IQCH: variants seen among roughly 807,000 people sequenced by gnomAD.
The protein encoded by IQCH is IQ motif containing H.
IQCH carries 98 observed loss-of-function variants against 117.0 expected under a neutral mutation model. The observed-to-expected ratio is 0.84, with a 90% confidence interval of 0.71 to 0.99. The LOEUF (loss-of-function observed/expected upper bound fraction) is 0.99, where lower values mean the gene tolerates loss of function less well. Among genes scored for constraint, IQCH ranks in the 50% least tolerant of loss-of-function variants. The pLI is 0.00. For synonymous variants in IQCH, 412 were observed against 448.2 expected (o/e 0.92, Z 1.02); for missense variants, 1,102 against 1,243.8 (o/e 0.89, Z 1.72).
intron 4 of IQCH, among the ~76,000 whole-genome samples, chr15:67,331,804 G>A (rs1968677353): frequency 6.6e-6 from 1 of 152,068 alleles, no homozygotes; most frequent in South Asian, 2.1e-4. Flanking sequence ...GGTGGAAGCT[G>A]GCTCCTCTCC....
chr15:67,367,561 G>GT (rs1488956108), intron 8 of IQCH, among the ~76,000 whole-genome samples: 2 of 151,946 alleles, frequency 1.3e-5, no homozygotes, highest in Non-Finnish European at 2.9e-5. Context: ...TTATCGTTCA[G>GT]TTTTTTTAAA....
chr15:67,256,500 T>C (rs1965212725), intron 1 of IQCH, among the ~76,000 whole-genome samples: 1 of 152,178 alleles, frequency 6.6e-6, no homozygotes, highest in Non-Finnish European at 1.5e-5. Context: ...GTTGATAGAC[T>C]GTCTGGTGGC....
rs116967667 is a variant in IQCH at position 67,430,937 on chromosome 15, C to T, written c.2505+9360C>T. 1.3e-5 allele frequency among the ~76,000 whole-genome samples: 2 copies of T among 152,266 alleles called. No individual in the cohort carries two copies. The highest frequency in any genetic ancestry group is 4.8e-5 in the African/African-American group (2 of 41,550). On this transcript the variant is annotated intron_variant, in intron 16 of 20. Transcript: ENST00000335894. The surrounding 1 kb of genome is among the most constrained non-coding windows in gnomAD (Gnocchi z 5.1). ...CATCAAAAAGGTAATATCAGTTTAACGGCCAAATGATTTTTCTACATGCAT... is the reference window on the plus strand; with the variant it reads ...CATCAAAAAGGTAATATCAGTTTAATGGCCAAATGATTTTTCTACATGCAT...
intron 16 of IQCH, among the ~76,000 whole-genome samples, chr15:67,440,698 G>A (rs2082246130): frequency 6.6e-6 from 1 of 152,064 alleles, no homozygotes; most frequent in South Asian, 2.1e-4. Context: ...AGCAAAATCG[G>A]CATACAAGGG....
intron 4 of IQCH, among the ~76,000 whole-genome samples, chr15:67,283,162 T>C (rs1966431546): frequency 6.6e-6 from 1 of 152,228 alleles, no homozygotes. Context: ...ATGCTTGTTG[T>C]TGTGACAAAC....
At chr15:67,349,967 T>C (rs1296612532) in intron 6 of IQCH, among the ~76,000 whole-genome samples, 2 of 152,214 alleles carry the variant, frequency 1.3e-5, no homozygotes, top group African/African-American at 4.8e-5. Context: ...TTGGCAGTTA[T>C]TTATAAAGTT....
rs141104234 is a variant in IQCH at position 67,392,031 on chromosome 15, G to A, written c.1632+3025G>A. The stretch of plus-strand genomic sequence containing the variant: ...ACTCACTCGATAAAATGGGGAACTT[G>A]TGGCAGCAGTGGCATGCCAACTGTG... On this transcript the variant is annotated intron_variant, in intron 12 of 20. Coordinates refer to ENST00000335894, the MANE Select transcript of IQCH (RefSeq NM_001031715.3). Among the ~76,000 whole-genome samples the A allele has an allele frequency of 4.6e-5, 7 of 152,316 alleles. No homozygotes were observed. In the East Asian group the frequency reaches 1.4e-3, roughly 29 times the overall value.
intron 18 of IQCH, among the ~76,000 whole-genome samples, chr15:67,489,280 G>A (rs995850434): frequency 3.3e-5 from 5 of 151,806 alleles, no homozygotes; most frequent in Non-Finnish European, 7.4e-5. Flanking sequence ...TGATCCGCCT[G>A]CCTCGGCCTC....
chr15:67,489,065 G>A (rs2083569569), intron 18 of IQCH, among the ~76,000 whole-genome samples: 1 of 149,332 alleles, frequency 6.7e-6, no homozygotes. Flanking sequence ...ACGGAGTCTC[G>A]CTCTGTTGCC....
At chr15:67,309,747 G>T (rs538215407) in intron 4 of IQCH, among the ~76,000 whole-genome samples, 8 of 151,818 alleles carry the variant, frequency 5.3e-5, no homozygotes, top group African/African-American at 1.9e-4. Context: ...ATGAATGGGG[G>T]AAGCAAGATG....
At chr15:67,464,084 C>G (rs868082046) in intron 16 of IQCH, among the ~76,000 whole-genome samples, 6 of 152,342 alleles carry the variant, frequency 3.9e-5, no homozygotes, top group Middle Eastern at 6.8e-3. Flanking sequence ...CCACCTCGGC[C>G]TCCCAAAGTG....
At chr15:67,415,606 T>C (rs924174298) in intron 14 of IQCH, among the ~76,000 whole-genome samples, 2 of 152,144 alleles carry the variant, frequency 1.3e-5, no homozygotes, top group African/African-American at 4.8e-5. Context: ...TTCCAAGGAG[T>C]TGGGGTGAGC....
In IQCH at chr15:67,458,459, G is replaced by A. The variant is rs1032307058; in HGVS notation, c.2506-6668G>A. On this transcript the variant is annotated intron_variant, in intron 16 of 20. Coordinates refer to ENST00000335894, the MANE Select transcript of IQCH (RefSeq NM_001031715.3). The surrounding 1 kb of genome is among the most constrained non-coding windows in gnomAD (Gnocchi z 4.1). ...ACCATCATCTCTCACCTCAATTACT[G>A]CAAGTCTTCCTAACTGGACTCCCTG... Among the ~76,000 whole-genome samples, 2 of 152,122 alleles carry A rather than the reference G, an allele frequency of 1.3e-5. No homozygotes were observed. The highest frequency in any genetic ancestry group is 2.9e-5 in the Non-Finnish European group (2 of 68,034).
intron 4 of IQCH, among the ~76,000 whole-genome samples, chr15:67,328,137 G>A (rs1016233564): frequency 7.2e-6 from 1 of 138,776 alleles, no homozygotes; most frequent in African/African-American, 2.6e-5. Flanking sequence ...GTTTTGTGGG[G>A]GTTTTTTGTT....
chr15:67,322,636 T>C (rs572605794), intron 4 of IQCH, among the ~76,000 whole-genome samples: 1 of 152,262 alleles, frequency 6.6e-6, no homozygotes, highest in Non-Finnish European at 1.5e-5. Flanking sequence ...CCCGCCTAGG[T>C]TACATACAGC....
chr15:67,292,897 A>G (rs982214104), intron 4 of IQCH, among the ~76,000 whole-genome samples: 2 of 152,128 alleles, frequency 1.3e-5, no homozygotes, highest in African/African-American at 4.8e-5. Context: ...TGGATCTGTT[A>G]TCCATTGCAT....
intron 1 of IQCH, among the ~76,000 whole-genome samples, chr15:67,255,687 A>G (rs1170090784): frequency 2.0e-5 from 3 of 152,236 alleles, no homozygotes; most frequent in Non-Finnish European, 4.4e-5. Context: ...CATTTGTCTA[A>G]GGTCACTCTG....
At chr15:67,333,892 A>G (rs1465694492) in intron 4 of IQCH, among the ~76,000 whole-genome samples, 1 of 152,052 alleles carries the variant, frequency 6.6e-6, no homozygotes, top group Non-Finnish European at 1.5e-5. Flanking sequence ...CCCTGTCTCT[A>G]CAAAAAATAC....
At chr15:67,272,904 A>G (rs1486095508) in intron 3 of IQCH, among the ~76,000 whole-genome samples, 4 of 152,056 alleles carry the variant, frequency 2.6e-5, no homozygotes, top group Non-Finnish European at 5.9e-5. Flanking sequence ...AACTAAATCC[A>G]TTTACATTCA....
Sources: allele counts gnomAD v4.1 joint callset (sites outside exome capture counted in the v4.1 genomes callset), GRCh38; gene constraint gnomAD v4.1.1; non-coding constraint Gnocchi (gnomAD v3.1); transcripts MANE v1.5; gene names NCBI Gene and HGNC (gene_info 2026-07-23, HGNC 2026-07-21).